The following TYRP1 variants were observed in gnomAD, a reference collection of about 807,000 sequenced individuals.
The protein encoded by TYRP1 is 5,6-dihydroxyindole-2-carboxylic acid oxidase.
In TYRP1, 49 loss-of-function variants were observed where a neutral mutation model predicts 42.8. The observed-to-expected ratio is 1.14, with a 90% confidence interval of 0.91 to 1.45. The LOEUF (loss-of-function observed/expected upper bound fraction) is 1.45. TYRP1 is among the 40% of genes most tolerant of loss of function. The pLI is 0.00. For missense variants in TYRP1, 848 were observed against 662.0 expected (o/e 1.28, Z -3.08); for synonymous variants, 279 against 235.4 (o/e 1.19, Z -1.69).
chr9:12,705,174 T>C (rs938739580), intron 6 of TYRP1, among the ~76,000 whole-genome samples: 25 of 152,202 alleles, frequency 1.6e-4, no homozygotes, highest in African/African-American at 5.5e-4. Context: ...CTTGAAAAGT[T>C]AATGTTGGCT....
At chr9:12,694,679 A>T (rs1310989272) in intron 2 of TYRP1, among the ~76,000 whole-genome samples, 1 of 152,184 alleles carries the variant, frequency 6.6e-6, no homozygotes, top group Non-Finnish European at 1.5e-5. Flanking sequence ...CCTTCAGGTA[A>T]ACATGTTAAT....
At position 12,702,326 on chromosome 9, in the gene TYRP1, G is replaced by A; in HGVS notation, c.969G>A (p.Met323Ile). The change falls in exon 5 of 8, where the codon ATG (methionine) becomes ATA (isoleucine). Residue 323 changes from methionine (M) to isoleucine (I), a missense_variant. By Grantham distance (10) the Met-to-Ile change is conservative (BLOSUM62 1). Transcript: ENST00000388918. ...RNPAGNVARPMVQRLPEPQDV... is the reference protein window; with the variant it reads ...RNPAGNVARPIVQRLPEPQDV... ...CAGCTGGAAATGTGGCCAGACCAATGGTGCAACGTCTTCCTGAACCACAGG... is the reference window on the plus strand; with the variant it reads ...CAGCTGGAAATGTGGCCAGACCAATAGTGCAACGTCTTCCTGAACCACAGG... The A allele has an allele frequency of 6.2e-7, 1 of 1,613,138 alleles. No individual in the cohort carries two copies. Among genetic ancestry groups the A allele is most frequent in the Non-Finnish European group, 8.5e-7 (1 of 1,179,488 alleles).
chr9:12,703,133 T>C (rs1818199449), intron 5 of TYRP1, among the ~76,000 whole-genome samples: 1 of 151,628 alleles, frequency 6.6e-6, no homozygotes, highest in South Asian at 2.1e-4. Context: ...TGATGCTTGA[T>C]ATATATATAT....
Position 12,704,625 on chromosome 9 carries a change from C to G in TYRP1, c.1181C>G (p.Ser394Cys). The G allele has an allele frequency of 3.1e-6, 5 of 1,613,122 alleles. No individual in the cohort carries two copies. Among genetic ancestry groups the G allele is most frequent in the Non-Finnish European group, 4.2e-6 (5 of 1,179,410 alleles). The change falls in exon 6 of 8, where the codon TCT (serine) becomes TGT (cysteine). Residue 394 changes from serine to cysteine, a missense_variant. Physicochemically the swap from Ser to Cys is moderately radical, Grantham distance 112 (BLOSUM62 -1). Coordinates refer to ENST00000388918, the MANE Select transcript of TYRP1 (RefSeq NM_000550.3). ...GGAACAGGGGGACAAACCCATTTGT[C>G]TCCAAATGATCCTATTTTTGTCCTC... ...LNGTGGQTHL[S>C]PNDPIFVLLH... is the part of the protein sequence containing the mutation.
intron 3 of TYRP1, among the ~76,000 whole-genome samples, chr9:12,696,653 A>T (rs984780970): frequency 2.0e-5 from 3 of 152,298 alleles, no homozygotes; most frequent in Non-Finnish European, 4.4e-5. Flanking sequence ...TTTTCTAAGC[A>T]GATAAGCTTC....
At chr9:12,696,112 C>A (rs1818075850) in intron 3 of TYRP1, among the ~76,000 whole-genome samples, 3 of 152,132 alleles carry the variant, frequency 2.0e-5, no homozygotes, top group African/African-American at 7.2e-5. Context: ...TTTGCAGTTT[C>A]ATTGAAAACA....
In TYRP1 at chr9:12,694,084, T is replaced by C. The variant is rs752175806; in HGVS notation, c.88T>C (p.Cys30Arg). The change falls in exon 2 of 8, where the codon TGT becomes CGT. Residue 30 changes from cysteine (C) to arginine (R), a missense_variant. By Grantham distance (180) the Cys-to-Arg change is radical. Coordinates refer to ENST00000388918, the MANE Select transcript of TYRP1 (RefSeq NM_000550.3). ...QQARAQFPRQ[C>R]ATVEALRSGM... ...GGCCCGGGCTCAATTCCCAAGACAG[T>C]GTGCCACTGTTGAGGCTTTGAGAAG... The C allele has an allele frequency of 1.2e-6, 2 of 1,614,052 alleles. No individual in the cohort carries two copies. Among genetic ancestry groups the C allele is most frequent in the East Asian group, 4.5e-5 (2 of 44,822 alleles).
Position 12,709,190 on chromosome 9 carries a change from C to T in TYRP1, c.*8C>T. The stretch of plus-strand genomic sequence containing the variant: ...AATCAGTCTGTGGTCTAACAAATGC[C>T]CTACTCTCTTATGCATTAGTATCAC... On this transcript the variant is annotated 3_prime_UTR_variant, in exon 8 of 8. Coordinates refer to ENST00000388918, the MANE Select transcript of TYRP1 (RefSeq NM_000550.3). 1.2e-6 allele frequency: 2 copies of T among 1,611,270 alleles called. No individual in the cohort carries two copies. The highest frequency in any genetic ancestry group is 1.1e-5 in the South Asian group (1 of 91,022).
intron 6 of TYRP1, among the ~76,000 whole-genome samples, chr9:12,706,724 A>G (rs1818264644): frequency 6.6e-6 from 1 of 152,018 alleles, no homozygotes; most frequent in African/African-American, 2.4e-5. Context: ...ACGTTTTAGA[A>G]ATCAGTGTCA....
At position 12,694,274 on chromosome 9, in the gene TYRP1, G is replaced by A. The variant is rs61752937; in HGVS notation, c.278G>A (p.Arg93His). The change falls in exon 2 of 8, where the codon CGC (arginine) becomes CAC (histidine). Residue 93 changes from arginine to histidine, a missense_variant. By Grantham distance (29) the Arg-to-His change is conservative (BLOSUM62 0). Transcript: ENST00000388918. ...GATGATCGGGAGGTCTGGCCCTTGCGCTTCTTCAATAGGACATGTCACTGC... is the reference window on the plus strand; with the variant it reads ...GATGATCGGGAGGTCTGGCCCTTGCACTTCTTCAATAGGACATGTCACTGC... ...GRDDREVWPL[R>H]FFNRTCHCNG... is the part of the protein sequence containing the mutation. 7.4e-3 allele frequency: 12,017 copies of A among 1,613,804 alleles called. 77 individuals carry two copies. The highest frequency in any genetic ancestry group is 8.9e-3 in the Non-Finnish European group (10,476 of 1,179,918).
intron 4 of TYRP1, among the ~76,000 whole-genome samples, chr9:12,700,871 GT>G (rs1818155966): frequency 6.6e-6 from 1 of 151,986 alleles, no homozygotes; most frequent in Non-Finnish European, 1.5e-5. Context: ...TCAATAAATA[GT>G]TTCCAATCCC....
At position 12,693,955 on chromosome 9, in the gene TYRP1, C is replaced by G; in HGVS notation, c.-42C>G. The stretch of plus-strand genomic sequence containing the variant: ...GCTTCAGTCTTCTCTACACAAAGAG[C>G]TGCAAACCAGGTCTTTGTTTTGCAC... On this transcript the variant is annotated 5_prime_UTR_variant, in exon 2 of 8. Transcript: ENST00000388918. The G allele has an allele frequency of 6.2e-7, 1 of 1,611,836 alleles. No individual in the cohort carries two copies. Among genetic ancestry groups the G allele is most frequent in the Non-Finnish European group, 8.5e-7 (1 of 1,179,730 alleles).
chr9:12,695,846 G>C lies in TYRP1; in HGVS notation c.708+9G>C, dbSNP rs199673499. On this transcript the variant is annotated intron_variant, in intron 3 of 7. Coordinates refer to ENST00000388918, the MANE Select transcript of TYRP1 (RefSeq NM_000550.3). ...TGGAGAAAGACATGCAGGTATGTAA[G>C]AAGCATTTCAGTTTGCAGACTCTTT... The C allele has an allele frequency of 9.3e-6, 15 of 1,613,624 alleles. No homozygotes were observed. The highest frequency in any genetic ancestry group is 5.3e-5 in the African/African-American group (4 of 75,056).
chr9:12,694,793 CT>C (rs1047179046), intron 2 of TYRP1, among the ~76,000 whole-genome samples: 1 of 152,206 alleles, frequency 6.6e-6, no homozygotes, highest in Admixed American at 6.5e-5. Flanking sequence ...AGTTCTGCAA[CT>C]ACCCCTGCTG....
In TYRP1 at chr9:12,695,547, G is replaced by T. The variant is rs371209698; in HGVS notation, c.418G>T (p.Glu140Ter). ...AAATCTTCTGGACTTAAGTAAAGAAGAAAAGAACCACTTTGTCCGGGCCCT... is the reference window on the plus strand; with the variant it reads ...AAATCTTCTGGACTTAAGTAAAGAATAAAAGAACCACTTTGTCCGGGCCCT... ...RRNLLDLSKEEKNHFVRALDM... is the reference protein window; with the variant it reads ...RRNLLDLSKE Residue 140 changes from glutamate (E) to a stop codon, truncating the protein, a stop_gained, in exon 3 of 8, where the codon GAA (glutamate) becomes TAA (stop). Transcript: ENST00000388918. LOFTEE classifies it high-confidence loss of function. 16 of 1,613,978 alleles carry T rather than the reference G, an allele frequency of 9.9e-6. No individual in the cohort carries two copies. Among genetic ancestry groups the T allele is most frequent in the African/African-American group, 1.3e-5 (1 of 74,896 alleles).
intron 6 of TYRP1, among the ~76,000 whole-genome samples, chr9:12,706,045 T>G: frequency 6.6e-6 from 1 of 152,140 alleles, no homozygotes; most frequent in Non-Finnish European, 1.5e-5. Context: ...AATGTTCAAT[T>G]TACATACTAT....
At position 12,709,163 on chromosome 9, in the gene TYRP1, C is replaced by T. The variant is rs756695375; in HGVS notation, c.1595C>T (p.Pro532Leu). ...YAEEYEKLQNPNQSVV is the reference protein window; with the variant it reads ...YAEEYEKLQNLNQSVV ...GAAGAATATGAAAAACTCCAGAATC[C>T]TAATCAGTCTGTGGTCTAACAAATG... The change falls in exon 8 of 8, where the codon CCT becomes CTT. Residue 532 changes from proline (P) to leucine (L), a missense_variant. Physicochemically the swap from Pro to Leu is moderately conservative, Grantham distance 98 (BLOSUM62 -3). Coordinates refer to ENST00000388918, the MANE Select transcript of TYRP1 (RefSeq NM_000550.3). 1.2e-6 allele frequency: 2 copies of T among 1,612,386 alleles called. No homozygotes were observed. Among genetic ancestry groups the T allele is most frequent in the East Asian group, 2.2e-5 (1 of 44,816 alleles).
At position 12,698,575 on chromosome 9, in the gene TYRP1, G is replaced by A. The variant is rs765071773; in HGVS notation, c.833G>A (p.Ser278Asn). 7 of 1,613,690 alleles carry A rather than the reference G, an allele frequency of 4.3e-6. No homozygotes were observed. Among genetic ancestry groups the A allele is most frequent in the Non-Finnish European group, 5.9e-6 (7 of 1,179,842 alleles). The change falls in exon 4 of 8, where the codon AGC becomes AAC. Residue 278 changes from serine to asparagine, a missense_variant. Physicochemically the swap from Ser to Asn is conservative, Grantham distance 46. Coordinates refer to ENST00000388918, the MANE Select transcript of TYRP1 (RefSeq NM_000550.3). ...AGCAACTTTGATTCCACTCTAATAA[G>A]CCCAAACTCTGTCTTTTCTCAATGG... ...SRSNFDSTLI[S>N]PNSVFSQWRV...
chr9:12,705,196 C>T lies in TYRP1; in HGVS notation c.1261+491C>T, dbSNP rs117140885. 5.8e-3 allele frequency among the ~76,000 whole-genome samples: 876 copies of T among 152,120 alleles called. 4 individuals are homozygous for T. The highest frequency in any genetic ancestry group is 9.8e-3 in the Non-Finnish European group (665 of 67,950). On this transcript the variant is annotated intron_variant, in intron 6 of 7. Transcript: ENST00000388918. The stretch of plus-strand genomic sequence containing the variant: ...AGTTAATGTTGGCTTTTATATCACA[C>T]TATAGGAAATCTCTTTTAAGTTCAT...
Sources: allele counts gnomAD v4.1 joint callset (sites outside exome capture counted in the v4.1 genomes callset), GRCh38; gene constraint gnomAD v4.1.1; transcripts MANE v1.5; gene names NCBI Gene and HGNC (gene_info 2026-07-23, HGNC 2026-07-21).